TP63: variants seen among roughly 807,000 people sequenced by gnomAD.
TP63 encodes the protein tumor protein p63.
Under a neutral mutation model 82.8 loss-of-function variants are expected in TP63, and 17 were observed. The ratio of observed to expected loss-of-function variants is 0.21; its 90% CI spans 0.14 to 0.31. The LOEUF is 0.31. Ranked by LOEUF, TP63 falls within the 10% of genes least tolerant of loss-of-function variation. The pLI is 1.00. For synonymous variants in TP63, 330 were observed against 321.7 expected (o/e 1.03, Z -0.28); for missense variants, 648 against 895.3 (o/e 0.72, Z 3.52).
upstream of TP63, among the ~76,000 whole-genome samples, chr3:189,628,301 TG>T (rs1386380931): frequency 6.6e-6 from 1 of 152,076 alleles, no homozygotes; most frequent in Non-Finnish European, 1.5e-5. Context: ...GGGCAGAATA[TG>T]ATCCAAGGCA....
the TP63 span, among the ~76,000 whole-genome samples, chr3:189,609,993 C>T: frequency 6.6e-6 from 1 of 152,318 alleles, no homozygotes; most frequent in South Asian, 2.1e-4. Context: ...TTTACACTCC[C>T]ACCAACGGAG....
intron 1 of TP63, among the ~76,000 whole-genome samples, chr3:189,717,136 A>G (rs902318986): frequency 6.6e-6 from 1 of 152,130 alleles, no homozygotes; most frequent in African/African-American, 2.4e-5. Context: ...TATCAATTGC[A>G]ACAACTGAAA....
At chr3:189,750,866 C>T (rs1018828234) in intron 3 of TP63, among the ~76,000 whole-genome samples, 12 of 152,052 alleles carry the variant, frequency 7.9e-5, no homozygotes, top group African/African-American at 2.9e-4. Flanking sequence ...GTGTGCACCA[C>T]GTGTAGGTTT....
At position 189,875,625 on chromosome 3, in the gene TP63, T is replaced by C. The variant is rs200558258; in HGVS notation, c.1349+2630T>C. Among the ~76,000 whole-genome samples the C allele has an allele frequency of 9.9e-4, 111 of 112,528 alleles. 5 individuals are homozygous for C. Among genetic ancestry groups the C allele is most frequent in the African/African-American group, 2.8e-3 (90 of 32,042 alleles). The allele number at this position is 112,528 out of a possible 152,430, so 73.8% of individuals were successfully genotyped here. A position where few individuals can be genotyped will look rare whatever the true frequency, so the allele number is the denominator to read the frequency against. ...ATATATATATATATATATATATATA[T>C]ATATATATATATAAACTATTCTTAG... On this transcript the variant is annotated intron_variant, in intron 10 of 13. Coordinates refer to ENST00000264731, the MANE Select transcript of TP63 (RefSeq NM_003722.5).
chr3:189,813,981 GA>G (rs1319552052), intron 4 of TP63, among the ~76,000 whole-genome samples: 1 of 152,148 alleles, frequency 6.6e-6, no homozygotes, highest in Non-Finnish European at 1.5e-5. Context: ...TGGAGAATTT[GA>G]CTTGAGCAAG....
intron 4 of TP63, among the ~76,000 whole-genome samples, chr3:189,812,625 C>G: frequency 6.6e-6 from 1 of 152,144 alleles, no homozygotes; most frequent in East Asian, 1.9e-4. Context: ...CTCTCTAAAC[C>G]TCACTTTTCT....
At chr3:189,785,928 AGGATT>A (rs1724566591) in intron 3 of TP63, among the ~76,000 whole-genome samples, 1 of 152,032 alleles carries the variant, frequency 6.6e-6, no homozygotes, top group African/African-American at 2.4e-5. Context: ...AAAACATAGA[AGGATT>A]GATTGTCAGC....
In TP63 at chr3:189,749,726, G is replaced by T. The variant is rs542618435; in HGVS notation, c.324+10952G>T. Among the ~76,000 whole-genome samples the T allele has an allele frequency of 2.0e-5, 3 of 152,246 alleles. No homozygotes were observed. The East Asian group carries it at 5.8e-4, about 29-fold the overall frequency. On this transcript the variant is annotated intron_variant, in intron 3 of 13. Coordinates refer to ENST00000264731, the MANE Select transcript of TP63 (RefSeq NM_003722.5). ...AATCAGTATATCAAAAAGGATACAT[G>T]CACTTGCATGTTTATTGCAATATTA...
In TP63 at chr3:189,656,433, G is replaced by A. The variant is rs149382795; in HGVS notation, c.62+24856G>A. Among the ~76,000 whole-genome samples, 214 of 152,224 alleles carry A rather than the reference G, an allele frequency of 1.4e-3. 1 individual carries two copies. The highest frequency in any genetic ancestry group is 1.0e-3 in the Non-Finnish European group (71 of 67,974). ...AAAACCAAAGAAGGCATAAGGGTAT[G>A]TATGGGAGATGGGGAACAAAGAACA... On this transcript the variant is annotated intron_variant, in intron 1 of 13. Transcript: ENST00000264731.
intron 4 of TP63, among the ~76,000 whole-genome samples, chr3:189,821,693 A>T (rs1444507550): frequency 6.6e-6 from 1 of 152,206 alleles, no homozygotes; most frequent in African/African-American, 2.4e-5. Flanking sequence ...GGCATAGATT[A>T]TCTCCTAATT....
chr3:189,657,996 A>G (rs1713539648), intron 1 of TP63, among the ~76,000 whole-genome samples: 1 of 152,060 alleles, frequency 6.6e-6, no homozygotes, highest in African/African-American at 2.4e-5. Flanking sequence ...CTACTACCAG[A>G]GCTTCTTGGA....
chr3:189,783,917 C>G (rs1014123614), intron 3 of TP63, among the ~76,000 whole-genome samples: 2 of 151,702 alleles, frequency 1.3e-5, no homozygotes, highest in Admixed American at 6.6e-5. Flanking sequence ...TAACATTTGA[C>G]CCAGTACTTT....
chr3:189,632,851 C>T (rs973085659), intron 1 of TP63, among the ~76,000 whole-genome samples: 13 of 152,218 alleles, frequency 8.5e-5, no homozygotes, highest in East Asian at 1.9e-4. Flanking sequence ...CAAAGATTTT[C>T]TGGTTCTCAA....
chr3:189,700,088 A>T (rs1717687507), intron 1 of TP63, among the ~76,000 whole-genome samples: 1 of 152,158 alleles, frequency 6.6e-6, no homozygotes, highest in Non-Finnish European at 1.5e-5. Context: ...CTTCATGGAC[A>T]TTTGAAGTGT....
the TP63 span, among the ~76,000 whole-genome samples, chr3:189,625,976 A>C: frequency 6.6e-6 from 1 of 152,194 alleles, no homozygotes; most frequent in Non-Finnish European, 1.5e-5. Context: ...CACTCCCTTA[A>C]GGCATCTTCT....
intron 3 of TP63, among the ~76,000 whole-genome samples, chr3:189,786,413 C>T (rs896704754): frequency 2.0e-5 from 3 of 150,966 alleles, no homozygotes; most frequent in Admixed American, 1.3e-4. Flanking sequence ...AACCATAATA[C>T]TGTATGCAAA....
intron 3 of TP63, among the ~76,000 whole-genome samples, chr3:189,779,836 A>C (rs1724092517): frequency 6.6e-6 from 1 of 152,140 alleles, no homozygotes; most frequent in Non-Finnish European, 1.5e-5. Context: ...CAGAACAGAC[A>C]TCTCCCAAGC....
At chr3:189,629,492 C>T (rs1729389014), upstream of TP63, among the ~76,000 whole-genome samples, 1 of 151,908 alleles carries the variant, frequency 6.6e-6, no homozygotes, top group Admixed American at 6.6e-5. Context: ...AGTCTATATC[C>T]CTGGAAGTTA....
intron 1 of TP63, among the ~76,000 whole-genome samples, chr3:189,652,745 A>C (rs1262052458): frequency 6.8e-6 from 1 of 146,762 alleles, no homozygotes; most frequent in Non-Finnish European, 1.5e-5. Context: ...AGGTGGAGAT[A>C]ATTGAATCAT....
Sources: gnomAD v4.1 joint callset for allele counts (sites outside exome capture counted in the v4.1 genomes callset) on GRCh38, gnomAD v4.1.1 for gene constraint, MANE v1.5 for transcripts, NCBI Gene and HGNC (gene_info 2026-07-23, HGNC 2026-07-21) for gene names.